SCRIB: variants seen among roughly 807,000 people sequenced by gnomAD.
The protein encoded by SCRIB is protein scribble homolog.
A neutral mutation model predicts 170.0 loss-of-function variants in SCRIB; 72 were observed. The observed-to-expected ratio is 0.42, with a 90% CI of 0.35 to 0.52. The LOEUF (loss-of-function observed/expected upper bound fraction) is 0.52. Ranked by LOEUF, SCRIB falls within the 20% of genes least tolerant of loss-of-function variation. SCRIB has a pLI of 0.02. For synonymous variants in SCRIB, 1,298 were observed against 1,044.3 expected (o/e 1.24, Z -4.68); for missense variants, 2,475 against 2,338.5 (o/e 1.06, Z -1.20).
chr8:143,792,234 C>T lies in SCRIB; in HGVS notation c.4500G>A (p.Leu1500=). 1.3e-6 allele frequency: 2 copies of T among 1,566,492 alleles called. No homozygotes were observed. Among genetic ancestry groups the T allele is most frequent in the Non-Finnish European group, 1.7e-6 (2 of 1,163,612 alleles). Residue 1500 remains leucine, a synonymous_variant, in exon 32 of 37, where the codon CTG becomes CTA. Coordinates refer to ENST00000356994, the MANE Select transcript of SCRIB (RefSeq NM_182706.5). ...CAGGGGCTCACCTGGCTGCCCTCCA[C>T]AGCGCACGCTTCTCGGCCTCCAGGG... ...LRALEAEKRA[L]WRAARMKSLE...
intron 1 of SCRIB, chr8:143,814,834 C>G (rs113368976): frequency 4.2e-6 from 1 of 240,358 alleles, no homozygotes; most frequent in Non-Finnish European, 8.0e-6. Context: ...CCACTCACCC[C>G]TGCACCCAGC....
At position 143,815,590 on chromosome 8, in the gene SCRIB, G is replaced by A. The variant is rs1563812398; in HGVS notation, c.-218C>T. On this transcript the variant is annotated 5_prime_UTR_variant, in exon 1 of 37. Coordinates refer to ENST00000356994, the MANE Select transcript of SCRIB (RefSeq NM_182706.5). ...CCTGGGCAGGGGGCGCGGCCCGGCG[G>A]GTCTCAGACTCTTAGGAAGCGCGGG... The A allele has an allele frequency of 1.0e-6, 1 of 981,704 alleles. No homozygotes were observed. 60.8% of individuals were successfully genotyped at this position (981,704 alleles called of 1,614,324 possible). A position where few individuals can be genotyped will look rare whatever the true frequency, so the allele number is the denominator to read the frequency against.
chr8:143,803,965 G>T, intron 22 of SCRIB, 25 bp from the exon 23 acceptor site: 1 of 1,573,012 alleles, frequency 6.4e-7, no homozygotes, highest in Non-Finnish European at 8.6e-7. Context: ...GGTGGCAGCT[G>T]GTGGCTGAGG....
Position 143,804,756 on chromosome 8 carries a change from T to G in SCRIB, c.2821A>C (p.Thr941Pro). The change falls in exon 21 of 37, where the codon ACC becomes CCC. Residue 941 changes from threonine (T) to proline (P), a missense_variant. By Grantham distance (38) the Thr-to-Pro change is conservative (BLOSUM62 -1). Around this residue, in one of 3 missense-constraint regions of SCRIB, gnomAD observed 1,966 missense variants for 1,742.9 expected, o/e 1.13. Transcript: ENST00000356994. ...TCCCGCTCCAACAGCAGGGCGATGGTGGGGGAGGCAGCGGTCAGCAGGGAG... is the reference window on the plus strand; with the variant it reads ...TCCCGCTCCAACAGCAGGGCGATGGGGGGGGAGGCAGCGGTCAGCAGGGAG... ...AVSLLTAASP[T>P]IALLLEREAG... 6.2e-7 allele frequency: 1 copy of G among 1,603,016 alleles called. No individual in the cohort carries two copies. Among genetic ancestry groups the G allele is most frequent in the Non-Finnish European group, 8.5e-7 (1 of 1,176,110 alleles).
chr8:143,815,464 G>A lies in SCRIB; in HGVS notation c.-92C>T. On this transcript the variant is annotated 5_prime_UTR_variant, in exon 1 of 37. Coordinates refer to ENST00000356994, the MANE Select transcript of SCRIB (RefSeq NM_182706.5). The stretch of plus-strand genomic sequence containing the variant: ...CAGTCCGCATGGGCGCCGCGCATGG[G>A]GAGGGGGCGCAGGCAGGGGGCGGGC... 2 of 1,093,664 alleles carry A rather than the reference G, an allele frequency of 1.8e-6. No individual in the cohort carries two copies. The highest frequency in any genetic ancestry group is 5.5e-5 in the East Asian group (1 of 18,342). The allele number at this position is 1,093,664 out of a possible 1,614,324, so 67.7% of individuals were successfully genotyped here.
At position 143,795,105 on chromosome 8, in the gene SCRIB, C is replaced by A; in HGVS notation, c.3779G>T (p.Gly1260Val). 1 of 1,611,124 alleles carries A rather than the reference C, an allele frequency of 6.2e-7. No homozygotes were observed. The highest frequency in any genetic ancestry group is 8.5e-7 in the Non-Finnish European group (1 of 1,179,042). Residue 1260 changes from glycine (G) to valine (V), a missense_variant, in exon 27 of 37, where the codon GGT (glycine) becomes GTT (valine). Physicochemically the swap from Gly to Val is moderately radical, Grantham distance 109 (BLOSUM62 -3). Transcript: ENST00000356994. Reference protein sequence around the residue: ...GPEATEAAGRGLQPLKLDYRA... With the variant: ...GPEATEAAGRVLQPLKLDYRA... ...GTAGTCCAGCTTCAGGGGCTGCAGA[C>A]CCCGACCCTGGGGGCAGAGTGAACA...
chr8:143,808,323 A>G (rs1815525073), intron 15 of SCRIB, among the ~76,000 whole-genome samples: 1 of 151,560 alleles, frequency 6.6e-6, no homozygotes, highest in Non-Finnish European at 1.5e-5. Flanking sequence ...CTGGGGTCCA[A>G]GCATGGACTG....
rs144984803 is a variant in SCRIB, at chr8:143,795,640, C to T, written c.3604-110G>A. 2,406 of 956,764 alleles carry T rather than the reference C, an allele frequency of 2.5e-3. 24 individuals are homozygous for T. The African/African-American group carries it at 0.028, about 11-fold the overall frequency. 59.3% of individuals were successfully genotyped at this position (956,764 alleles called of 1,614,324 possible). A position where few individuals can be genotyped will look rare whatever the true frequency, so the allele number is the denominator to read the frequency against. ...AGTCAGCAACGGTGAGCCCAGGAGC[C>T]GCGTCCCTGGGCAGGGCTGACCGCG... is the stretch of plus-strand genomic sequence containing the variant. On this transcript the variant is annotated intron_variant, in intron 24 of 36. Transcript: ENST00000356994.
Position 143,815,496 on chromosome 8 carries a change from A to G in SCRIB, c.-124T>C. Reference sequence around the variant, plus strand: ...GCGCAGGCAGGGGGCGGGCCGCCCGAGACTGGACGGGGACGCGGCCGCGGC... The same window carrying G: ...GCGCAGGCAGGGGGCGGGCCGCCCGGGACTGGACGGGGACGCGGCCGCGGC... On this transcript the variant is annotated 5_prime_UTR_variant, in exon 1 of 37. Transcript: ENST00000356994. 1.0e-6 allele frequency: 1 copy of G among 995,796 alleles called. No homozygotes were observed. Among genetic ancestry groups the G allele is most frequent in the Non-Finnish European group, 1.2e-6 (1 of 838,244 alleles). 61.7% of individuals were successfully genotyped at this position (995,796 alleles called of 1,614,324 possible).
rs370955803 is a variant in SCRIB at position 143,793,923 on chromosome 8, G to A, written c.3886C>T (p.Pro1296Ser). ...GAAGGKMAES[P>S]CSPSGQQPPS... ...ACCTGCTGGCCACTAGGGGAGCAGG[G>A]AGATTCAGCCATCTTCCCTCCAGCT... Residue 1296 changes from proline to serine, a missense_variant, in exon 28 of 37, where the codon CCC becomes TCC. Pro to Ser is a moderately conservative substitution (Grantham distance 74). Transcript: ENST00000356994. The A allele has an allele frequency of 1.2e-5, 19 of 1,613,456 alleles. No individual in the cohort carries two copies. The highest frequency in any genetic ancestry group is 1.4e-5 in the Non-Finnish European group (17 of 1,179,750).
rs1816022062 is a variant in SCRIB at position 143,815,231 on chromosome 8, G to A, written c.142C>T (p.Leu48=). 2 of 1,590,056 alleles carry A rather than the reference G, an allele frequency of 1.3e-6. No individual in the cohort carries two copies. Among genetic ancestry groups the A allele is most frequent in the South Asian group, 2.2e-5 (2 of 89,332 alleles). ...LEELLLDANQ[L]RELPKPFFRL... ...CCGCTCACCTTGGGCAGCTCGCGCA[G>A]CTGGTTGGCGTCGAGCAGCAGCTCC... Residue 48 remains leucine, a synonymous_variant, in exon 1 of 37, where the codon CTG becomes TTG. Coordinates refer to ENST00000356994, the MANE Select transcript of SCRIB (RefSeq NM_182706.5).
rs868958959 is a variant in SCRIB at position 143,806,276 on chromosome 8, G to A, written c.2346+131C>T. ...GTTTACAGGTTCCGTGGCTTCACCC[G>A]GAAGTCTGGGTGTCCTGTGCTTGGA... On this transcript the variant is annotated intron_variant, in intron 18 of 36. Transcript: ENST00000356994. 2.2e-4 allele frequency: 156 copies of A among 707,114 alleles called. 1 individual carries two copies. The highest frequency in any genetic ancestry group is 7.3e-4 in the Middle Eastern group (3 of 4,116). 43.8% of individuals were successfully genotyped at this position (707,114 alleles called of 1,614,324 possible).
At chr8:143,814,905 G>C (rs201399260) in intron 1 of SCRIB, 1 of 394,948 alleles carries the variant, frequency 2.5e-6, no homozygotes. Context: ...GTACTCATCA[G>C]CCACCTGAAT....
intron 24 of SCRIB, 108 bp downstream of exon 24, chr8:143,803,275 G>T: frequency 9.0e-7 from 1 of 1,109,182 alleles, no homozygotes; most frequent in South Asian, 1.6e-5. Context: ...GCACCGCCCA[G>T]ACCCAGAGGC....
chr8:143,795,163 C>G (rs1554633835), intron 26 of SCRIB, 51 bp from the exon 27 acceptor site: 1 of 1,601,042 alleles, frequency 6.2e-7, no homozygotes, highest in South Asian at 1.1e-5. Flanking sequence ...GTGGCAGCAC[C>G]CGGCCAGCAC....
At position 143,803,574 on chromosome 8, in the gene SCRIB, G is replaced by T; in HGVS notation, c.3415-3C>A. The stretch of plus-strand genomic sequence containing the variant: ...CCGGCTGCCCCCGTGGGGCTCACCT[G>T]TGGGGAGACGTGGTATGGGAGAGAC... On this transcript the variant is annotated splice_polypyrimidine_tract_variant and splice_region_variant and intron_variant, in intron 23 of 36. Transcript: ENST00000356994. 1 of 1,598,014 alleles carries T rather than the reference G, an allele frequency of 6.3e-7. No individual in the cohort carries two copies.
rs970947539 is a variant in SCRIB at position 143,814,210 on chromosome 8, C to T, written c.160-92G>A. ...ACGTGAGTGTCACAAGTCAAGAGTC[C>T]CTAGGCCTCTGTCTGCTCCAGGTCA... On this transcript the variant is annotated intron_variant, in intron 1 of 36. Coordinates refer to ENST00000356994, the MANE Select transcript of SCRIB (RefSeq NM_182706.5). The T allele has an allele frequency of 1.5e-5, 16 of 1,074,128 alleles. No individual in the cohort carries two copies. The African/African-American group carries it at 1.6e-4, about 11-fold the overall frequency. The allele number at this position is 1,074,128 out of a possible 1,614,324, so 66.5% of individuals were successfully genotyped here.
rs1554632465 is a variant in SCRIB, at chr8:143,791,142, C to A, written c.*21G>T. On this transcript the variant is annotated 3_prime_UTR_variant, in exon 37 of 37. Coordinates refer to ENST00000356994, the MANE Select transcript of SCRIB (RefSeq NM_182706.5). ...AGCTGGCAGGGCCCCCACCCCAAGTCTGGGGGAGGTGCCTGCTCCTCTAGG... is the reference window on the plus strand; with the variant it reads ...AGCTGGCAGGGCCCCCACCCCAAGTATGGGGGAGGTGCCTGCTCCTCTAGG... 1 of 1,393,738 alleles carries A rather than the reference C, an allele frequency of 7.2e-7. No homozygotes were observed. The highest frequency in any genetic ancestry group is 9.3e-7 in the Non-Finnish European group (1 of 1,073,340). 86.3% of individuals were successfully genotyped at this position (1,393,738 alleles called of 1,614,324 possible). A position where few individuals can be genotyped will look rare whatever the true frequency, so the allele number is the denominator to read the frequency against.
At position 143,795,559 on chromosome 8, in the gene SCRIB, G is replaced by A. The variant is rs187737547; in HGVS notation, c.3604-29C>T. On this transcript the variant is annotated intron_variant, in intron 24 of 36. Transcript: ENST00000356994. ...AGAAGAGGGGTGTGGGCTAAGAAGGGGGGACTGCAACCCGGGGTCCCACCT... is the reference window on the plus strand; with the variant it reads ...AGAAGAGGGGTGTGGGCTAAGAAGGAGGGACTGCAACCCGGGGTCCCACCT... The A allele has an allele frequency of 1.3e-3, 2,015 of 1,566,858 alleles. 31 individuals carry two copies. In the African/African-American group the frequency reaches 0.023, roughly 18 times the overall value.
Sources: allele counts gnomAD v4.1 joint callset (sites outside exome capture counted in the v4.1 genomes callset), GRCh38; gene constraint gnomAD v4.1.1; regional missense constraint gnomAD v4.1.1; transcripts MANE v1.5; gene names NCBI Gene and HGNC (gene_info 2026-07-23, HGNC 2026-07-21).